SOX6: variants seen among roughly 807,000 people sequenced by gnomAD.
SOX6 encodes SRY-box transcription factor 6.
A neutral mutation model predicts 97.8 loss-of-function variants in SOX6; 11 were observed. That is an observed-to-expected ratio of 0.11 (90% confidence interval 0.07 to 0.19). The LOEUF is 0.19. SOX6 is among the 10% of genes least tolerant of loss of function. The probability of loss-of-function intolerance (pLI) is 1.00; values close to 1 mark genes in which losing one functional copy is unlikely to be tolerated. For synonymous variants in SOX6, 360 were observed against 371.4 expected, an observed-to-expected ratio of 0.97 and a Z score of 0.35; for missense variants, 810 against 1,039.5, an observed-to-expected ratio of 0.78 and a Z score of 3.04.
chr11:16,545,268 C>T (rs1205217317), intron 4 of SOX6, among the ~76,000 whole-genome samples: 1 of 150,784 alleles, frequency 6.6e-6, no homozygotes, highest in Admixed American at 6.6e-5. Context: ...GTGAAGAATA[C>T]AGCCAAAGCT....
chr11:16,433,535 T>C (rs1334273236), intron 1 of SOX6, among the ~76,000 whole-genome samples: 1 of 152,086 alleles, frequency 6.6e-6, no homozygotes, highest in African/African-American at 2.4e-5. Context: ...ATCATCCACT[T>C]GCCACTTATA....
intron 4 of SOX6, among the ~76,000 whole-genome samples, chr11:16,204,125 A>G (rs76765167): frequency 0.02 from 3,046 of 152,178 alleles, 108 homozygotes; most frequent in African/African-American, 0.069. Flanking sequence ...ATTAAAAAAA[A>G]AACACCACTT....
intron 4 of SOX6, among the ~76,000 whole-genome samples, chr11:16,540,169 C>T (rs749467214): frequency 6.6e-5 from 10 of 152,086 alleles, no homozygotes; most frequent in East Asian, 3.8e-4. Context: ...GTACAACATA[C>T]GCAAATCAAT....
intron 15 of SOX6, among the ~76,000 whole-genome samples, chr11:15,982,635 A>G (rs1853696580): frequency 6.6e-6 from 1 of 152,028 alleles, no homozygotes; most frequent in African/African-American, 2.4e-5. Flanking sequence ...TGTTATGTAA[A>G]CACTTGTTAT....
intron 1 of SOX6, among the ~76,000 whole-genome samples, chr11:16,454,953 C>T (rs1310176469): frequency 1.3e-5 from 2 of 151,972 alleles, no homozygotes; most frequent in Admixed American, 6.6e-5. Flanking sequence ...TAATTCTGAT[C>T]TCTTAGACTC....
At chr11:16,251,772 A>T (rs1332732735) in intron 3 of SOX6, among the ~76,000 whole-genome samples, 1 of 152,176 alleles carries the variant, frequency 6.6e-6, no homozygotes, top group Non-Finnish European at 1.5e-5. Flanking sequence ...AACTTCCAGA[A>T]TCTCCGTCAT....
intron 12 of SOX6, among the ~76,000 whole-genome samples, chr11:16,015,977 C>T (rs891983055): frequency 6.6e-5 from 10 of 152,080 alleles, no homozygotes; most frequent in East Asian, 3.9e-4. Flanking sequence ...CTTCCAGCTC[C>T]GGGAATGGTT....
intron 4 of SOX6, among the ~76,000 whole-genome samples, chr11:16,492,908 T>C (rs72873349): frequency 0.097 from 14,816 of 152,224 alleles, 833 homozygotes; most frequent in Non-Finnish European, 0.13. Flanking sequence ...AAAATAAAAA[T>C]TATGAGATGT....
intron 2 of SOX6, among the ~76,000 whole-genome samples, chr11:16,321,722 C>A (rs1297861984): frequency 1.3e-5 from 2 of 152,026 alleles, no homozygotes. Flanking sequence ...GTCATGATTT[C>A]CCCACAAAAG....
At chr11:16,055,952 G>A (rs776311985) in intron 9 of SOX6, 51 bp from the exon 10 acceptor site, 34 of 1,601,650 alleles carry the variant, frequency 2.1e-5, no homozygotes, top group Non-Finnish European at 2.9e-5. Flanking sequence ...AGCTGAAATT[G>A]AGTTTCAAAA....
At chr11:16,674,545 C>T (rs1847871362) in intron 3 of SOX6, among the ~76,000 whole-genome samples, 1 of 152,198 alleles carries the variant, frequency 6.6e-6, no homozygotes. Flanking sequence ...GAAGTCCTAG[C>T]TAGGGCAATC....
chr11:16,701,893 CA>C (rs760384949), intron 3 of SOX6, among the ~76,000 whole-genome samples: 31 of 135,682 alleles, frequency 2.3e-4, no homozygotes, highest in Admixed American at 3.0e-4. Flanking sequence ...GACTCCGTCT[CA>C]AAAAAAAAAA....
chr11:16,057,290 T>C (rs1213634103), intron 9 of SOX6, among the ~76,000 whole-genome samples: 1 of 152,226 alleles, frequency 6.6e-6, no homozygotes, highest in Non-Finnish European at 1.5e-5. Flanking sequence ...TTTACTGTTT[T>C]ATATTATTTT....
At chr11:16,502,459 A>C (rs1860723324) in intron 4 of SOX6, among the ~76,000 whole-genome samples, 1 of 96,838 alleles carries the variant, frequency 1.0e-5, no homozygotes, top group South Asian at 5.7e-4. Context: ...TTTAAGTATA[A>C]TAATAAAAAA....
chr11:16,546,339 G>C (rs1190925102), intron 4 of SOX6, among the ~76,000 whole-genome samples: 2 of 151,978 alleles, frequency 1.3e-5, no homozygotes, highest in Non-Finnish European at 2.9e-5. Flanking sequence ...CACAGAAATA[G>C]AATTCAAAAT....
intron 3 of SOX6, among the ~76,000 whole-genome samples, chr11:16,238,964 C>T (rs1054876662): frequency 1.3e-5 from 2 of 151,980 alleles, no homozygotes; most frequent in African/African-American, 4.8e-5. Context: ...TTTCTATTTA[C>T]CCAAGAACAA....
At position 16,330,778 on chromosome 11, in the gene SOX6, A is replaced by G. The variant is rs140397770; in HGVS notation, c.237+10234T>C. On this transcript the variant is annotated intron_variant, in intron 2 of 15. Coordinates refer to ENST00000683767, the MANE Select transcript of SOX6 (RefSeq NM_001367873.1). The stretch of plus-strand genomic sequence containing the variant: ...AAGAGGCTTAGTCATTGTAGTTCAA[A>G]TCTTTCCTTTTTGAGCTGAGGAAAT... 6.5e-3 allele frequency among the ~76,000 whole-genome samples: 995 copies of G among 152,270 alleles called. 10 individuals are homozygous for G. The highest frequency in any genetic ancestry group is 0.023 in the African/African-American group (948 of 41,572).
chr11:16,615,595 T>TA (rs1458893576), intron 3 of SOX6, among the ~76,000 whole-genome samples: 1 of 152,080 alleles, frequency 6.6e-6, no homozygotes, highest in Non-Finnish European at 1.5e-5. Context: ...AATGGCAAAA[T>TA]ATAAGGAAAT....
chr11:16,461,447 C>G (rs945525440), intron 1 of SOX6, among the ~76,000 whole-genome samples: 2 of 152,116 alleles, frequency 1.3e-5, no homozygotes, highest in African/African-American at 4.8e-5. Flanking sequence ...CTTAGCTTAG[C>G]CTTATGGATC....
Sources: allele counts gnomAD v4.1 joint callset (sites outside exome capture counted in the v4.1 genomes callset), GRCh38; gene constraint gnomAD v4.1.1; transcripts MANE v1.5; gene names NCBI Gene and HGNC (gene_info 2026-07-23, HGNC 2026-07-21).